Variants in MACO1 observed in about 807,000 individuals in gnomAD.
MACO1 encodes the protein macoilin.
MACO1 carries 14 observed loss-of-function variants against 78.7 expected under a neutral mutation model. The observed-to-expected ratio is 0.18, with a 90% CI of 0.12 to 0.28. The LOEUF is 0.28. Ranked by LOEUF, MACO1 falls within the 10% of genes least tolerant of loss-of-function variation. The probability of loss-of-function intolerance (pLI) is 1.00; values close to 1 mark genes in which losing one functional copy is unlikely to be tolerated. For synonymous variants in MACO1, 288 were observed against 291.6 expected, an observed-to-expected ratio of 0.99 and a Z score of 0.12; for missense variants, 501 against 799.0, an observed-to-expected ratio of 0.63 and a Z score of 4.50.
At chr1:25,456,105 A>G (rs2043117560) in intron 4 of MACO1, among the ~76,000 whole-genome samples, 1 of 152,058 alleles carries the variant, frequency 6.6e-6, no homozygotes, top group South Asian at 2.1e-4. Flanking sequence ...TAAAATTACA[A>G]AAATTAGCTG....
chr1:25,440,156 G>A (rs939791793), intron 1 of MACO1, among the ~76,000 whole-genome samples: 5 of 150,858 alleles, frequency 3.3e-5, no homozygotes, highest in Non-Finnish European at 5.9e-5. Context: ...GGGAGGTCAA[G>A]GTAGGAGGAT....
chr1:25,482,021 G>C (rs1027747658), intron 6 of MACO1, among the ~76,000 whole-genome samples: 3 of 152,124 alleles, frequency 2.0e-5, no homozygotes, highest in African/African-American at 7.2e-5. Context: ...AGTAAGCGTT[G>C]ATCACTGTGG....
At chr1:25,456,590 T>G in intron 4 of MACO1, 63 bp from the exon 5 acceptor site, 3 of 1,536,300 alleles carry the variant, frequency 2.0e-6, no homozygotes, top group Non-Finnish European at 2.6e-6. Flanking sequence ...TATTCTCATG[T>G]GCTTGAGGCA....
intron 6 of MACO1, among the ~76,000 whole-genome samples, chr1:25,479,697 C>T (rs1164151934): frequency 6.6e-6 from 1 of 152,232 alleles, no homozygotes; most frequent in East Asian, 1.9e-4. Flanking sequence ...GCCTGAGCCA[C>T]TGCACCTGGC....
chr1:25,457,280 T>A (rs528856200), intron 5 of MACO1, among the ~76,000 whole-genome samples: 25 of 151,980 alleles, frequency 1.6e-4, no homozygotes, highest in Admixed American at 8.5e-4. Flanking sequence ...TAATTTTTTT[T>A]AATTATTTTT....
At chr1:25,470,598 G>A (rs2043258726) in intron 6 of MACO1, among the ~76,000 whole-genome samples, 1 of 152,102 alleles carries the variant, frequency 6.6e-6, no homozygotes, top group South Asian at 2.1e-4. Context: ...GTAGTTAAGT[G>A]GGAAAGATAA....
At chr1:25,483,642 C>T (rs374862618) in intron 6 of MACO1, among the ~76,000 whole-genome samples, 125 of 152,274 alleles carry the variant, frequency 8.2e-4, no homozygotes, top group African/African-American at 2.8e-3. Context: ...CGTCGCAGAC[C>T]GTTTTCTTCT....
intron 6 of MACO1, among the ~76,000 whole-genome samples, chr1:25,479,786 T>C (rs1050022457): frequency 2.0e-5 from 3 of 152,154 alleles, no homozygotes; most frequent in African/African-American, 4.8e-5. Context: ...TCTTAGAAAA[T>C]AGGATTGTAT....
chr1:25,461,431 T>C (rs2043171478), intron 6 of MACO1, among the ~76,000 whole-genome samples: 1 of 152,200 alleles, frequency 6.6e-6, no homozygotes. Flanking sequence ...GGTTGGATCC[T>C]GGACCTTCTA....
At chr1:25,438,890 C>T (rs1031258965) in intron 1 of MACO1, among the ~76,000 whole-genome samples, 1 of 150,858 alleles carries the variant, frequency 6.6e-6, no homozygotes, top group Non-Finnish European at 1.5e-5. Context: ...CAGAGTGAGA[C>T]TGTCTCAAGA....
At chr1:25,451,151 A>G (rs991880065) in intron 3 of MACO1, among the ~76,000 whole-genome samples, 3 of 152,208 alleles carry the variant, frequency 2.0e-5, no homozygotes, top group African/African-American at 7.2e-5. Context: ...TGGGATGACT[A>G]GTGCTTAAAC....
chr1:25,442,171 G>T (rs1171065828), intron 1 of MACO1, among the ~76,000 whole-genome samples: 1 of 152,216 alleles, frequency 6.6e-6, no homozygotes, highest in East Asian at 1.9e-4. Flanking sequence ...GATTAGCAAG[G>T]CTGTAATTAA....
rs891049743 is a variant in MACO1 at position 25,485,383 on chromosome 1, C to A, written c.1314-230C>A. Among the ~76,000 whole-genome samples, 2 of 152,172 alleles carry A rather than the reference C, an allele frequency of 1.3e-5. No homozygotes were observed. Among genetic ancestry groups the A allele is most frequent in the African/African-American group, 4.8e-5 (2 of 41,440 alleles). On this transcript the variant is annotated intron_variant, in intron 7 of 10. Coordinates refer to ENST00000374343, the MANE Select transcript of MACO1 (RefSeq NM_018202.6). This position sits in a 1 kb window ranked among gnomAD's most constrained non-coding sequence, Gnocchi z 4.3. ...TTGTAGATCACTTACTTGAACAGAG[C>A]AGAGGCTAGGTCTTAATCTCTGTTT... is the stretch of plus-strand genomic sequence containing the variant.
intron 8 of MACO1, among the ~76,000 whole-genome samples, chr1:25,486,703 A>G (rs1212266556): frequency 1.3e-5 from 2 of 152,220 alleles, no homozygotes; most frequent in African/African-American, 4.8e-5. Context: ...CATTTGCAGA[A>G]TAATTGGTGA....
chr1:25,489,980 A>G (rs1210206549), intron 9 of MACO1, among the ~76,000 whole-genome samples: 1 of 152,216 alleles, frequency 6.6e-6, no homozygotes, highest in Non-Finnish European at 1.5e-5. Flanking sequence ...TAGCTAAATA[A>G]CTGGAGAAAA....
rs200092823 is a variant in MACO1 at position 25,448,906 on chromosome 1, T to C, written c.321T>C (p.Tyr107=). 1.4e-4 allele frequency: 209 copies of C among 1,539,894 alleles called. No homozygotes were observed. The East Asian group carries it at 3.8e-3, about 28-fold the overall frequency. The change falls in exon 3 of 11, where the codon TAT becomes TAC. Residue 107 remains tyrosine (Y), a synonymous_variant. Transcript: ENST00000374343. ...GGCTTTTTTTTGCTGCTAGCACATA[T>C]GTATGGGTTCAGTACGTATGGCACA... is the stretch of plus-strand genomic sequence containing the variant. ...IQWLFFAAST[Y]VWVQYVWHTE...
chr1:25,435,249 C>T (rs2042909316), intron 1 of MACO1, among the ~76,000 whole-genome samples: 1 of 152,024 alleles, frequency 6.6e-6, no homozygotes, highest in South Asian at 2.1e-4. Flanking sequence ...CTGGATTCTG[C>T]TTGTAGTGCT....
intron 3 of MACO1, among the ~76,000 whole-genome samples, chr1:25,449,190 TA>T (rs999315295): frequency 2.0e-5 from 3 of 150,894 alleles, no homozygotes; most frequent in East Asian, 1.9e-4. Flanking sequence ...TATATCTTTT[TA>T]AAAAAAAAAT....
At chr1:25,493,120 G>T (rs185953254) in intron 10 of MACO1, among the ~76,000 whole-genome samples, 1 of 152,182 alleles carries the variant, frequency 6.6e-6, no homozygotes, top group Non-Finnish European at 1.5e-5. Flanking sequence ...ATACAACATG[G>T]TGTGTGAACT....
Sources: gnomAD v4.1 joint callset for allele counts (sites outside exome capture counted in the v4.1 genomes callset) on GRCh38, gnomAD v4.1.1 for gene constraint, Gnocchi (gnomAD v3.1) non-coding constraint, MANE v1.5 for transcripts, NCBI Gene and HGNC (gene_info 2026-07-23, HGNC 2026-07-21) for gene names.